Variants in NYAP2 observed in about 807,000 individuals in gnomAD.
The protein encoded by NYAP2 is neuronal tyrosine-phosphorylated phosphoinositide-3-kinase adaptor 2, also known as neuronal tyrosine-phosphorylated phosphoinositide-3-kinase adapter 2.
A neutral mutation model predicts 50.4 loss-of-function variants in NYAP2; 23 were observed. The ratio of observed to expected loss-of-function variants is 0.46; its 90% CI spans 0.33 to 0.65. NYAP2 has a LOEUF of 0.65. NYAP2 is among the 30% of genes least tolerant of loss of function. The pLI is 0.02. For synonymous variants in NYAP2, 394 were observed against 365.2 expected, an observed-to-expected ratio of 1.08 and a Z score of -0.90; for missense variants, 885 against 861.0, an observed-to-expected ratio of 1.03 and a Z score of -0.35.
At chr2:225,493,309 TA>T (rs1054166038) in intron 3 of NYAP2, among the ~76,000 whole-genome samples, 7 of 152,180 alleles carry the variant, frequency 4.6e-5, no homozygotes, top group Non-Finnish European at 1.0e-4. Flanking sequence ...TATGTTTTTT[TA>T]AAAAGTCTGT....
At chr2:225,404,336 T>A (rs1694905854) in intron 2 of NYAP2, among the ~76,000 whole-genome samples, 1 of 151,988 alleles carries the variant, frequency 6.6e-6, no homozygotes, top group Non-Finnish European at 1.5e-5. Context: ...AGTTGTTTTT[T>A]AAATGTTTTA....
chr2:225,582,590 G>A lies in NYAP2; in HGVS notation c.1173G>A (p.Ala391=), dbSNP rs9917362. 11,117 of 1,597,420 alleles carry A rather than the reference G, an allele frequency of 7.0e-3. 593 individuals carry two copies. The African/African-American group carries it at 0.13, about 18-fold the overall frequency. The stretch of plus-strand genomic sequence containing the variant: ...TGCCGTCCCACGTCCCCGGCCATGC[G>A]AAACTGGAGAAAGAGCAGGCCGCGG... Residue 391 remains alanine, a synonymous_variant, in exon 5 of 7, where the codon GCG becomes GCA. Coordinates refer to ENST00000636099, the Ensembl canonical transcript of NYAP2. This position sits in a 1 kb window ranked among gnomAD's most constrained non-coding sequence, Gnocchi z 7.0.
At chr2:225,651,521 C>T (rs1362164210) in exon 7 of NYAP2, 1 of 1,614,016 alleles carries the variant, frequency 6.2e-7, no homozygotes, top group South Asian at 1.1e-5. Context: ...AAGCAGTGAC[C>T]TGCAACAGAG....
At chr2:225,534,297 A>C (rs1691309493) in intron 4 of NYAP2, among the ~76,000 whole-genome samples, 1 of 152,256 alleles carries the variant, frequency 6.6e-6, no homozygotes, top group Non-Finnish European at 1.5e-5. Flanking sequence ...AGCCATTGGC[A>C]ACAAGTTAAA....
chr2:225,420,050 T>C (rs1695191430), intron 3 of NYAP2, among the ~76,000 whole-genome samples: 2 of 152,236 alleles, frequency 1.3e-5, no homozygotes, highest in South Asian at 4.1e-4. Flanking sequence ...TAGTCTTAAT[T>C]ATTAAACTGG....
chr2:225,453,175 T>G (rs1014070571), intron 3 of NYAP2, among the ~76,000 whole-genome samples: 1 of 152,210 alleles, frequency 6.6e-6, no homozygotes, highest in Non-Finnish European at 1.5e-5. Context: ...TTATAACAAA[T>G]AGAACTATGA....
chr2:225,512,560 CTTCCCTCCTTCCTTTCCT>C (rs1183254896), intron 3 of NYAP2, among the ~76,000 whole-genome samples: 1 of 143,882 alleles, frequency 7.0e-6, no homozygotes, highest in Non-Finnish European at 1.5e-5. Flanking sequence ...TTCCTTCCTT[CTTCCCTCCTTCCTTTCCT>C]TTCCTGCCTT....
At chr2:225,546,612 T>C (rs969468328) in intron 4 of NYAP2, among the ~76,000 whole-genome samples, 1 of 152,062 alleles carries the variant, frequency 6.6e-6, no homozygotes, top group Non-Finnish European at 1.5e-5. Flanking sequence ...CCAGGGTAAG[T>C]CCAGAAATGC....
At chr2:225,593,009 A>G (rs1487457260) in intron 5 of NYAP2, among the ~76,000 whole-genome samples, 3 of 152,236 alleles carry the variant, frequency 2.0e-5, no homozygotes, top group Non-Finnish European at 2.9e-5. Flanking sequence ...GAAAAATACT[A>G]GAACTGATTT....
intron 2 of NYAP2, 143 bp downstream of exon 2, chr2:225,401,186 G>C (rs1694855593): frequency 6.6e-6 from 1 of 152,470 alleles, no homozygotes; most frequent in South Asian, 2.1e-4. Flanking sequence ...AGGTGGAGCA[G>C]AAATAAAGCC....
intron 3 of NYAP2, among the ~76,000 whole-genome samples, chr2:225,445,906 T>C (rs192210204): frequency 1.3e-5 from 2 of 152,262 alleles, no homozygotes; most frequent in Admixed American, 1.3e-4. Flanking sequence ...AGTAATAATA[T>C]TCAACCTTAT....
At chr2:225,521,459 A>G (rs1691055803) in intron 4 of NYAP2, among the ~76,000 whole-genome samples, 2 of 151,838 alleles carry the variant, frequency 1.3e-5, no homozygotes, top group African/African-American at 4.8e-5. Flanking sequence ...TCAATACCTA[A>G]TTTATTGAGA....
chr2:225,600,587 G>A (rs1692676326), intron 5 of NYAP2, among the ~76,000 whole-genome samples: 1 of 152,198 alleles, frequency 6.6e-6, no homozygotes, highest in Non-Finnish European at 1.5e-5. Flanking sequence ...TGAGAAGCAA[G>A]ATGTAGTTGG....
intron 6 of NYAP2, among the ~76,000 whole-genome samples, chr2:225,643,242 T>A (rs1384928203): frequency 6.6e-6 from 1 of 152,046 alleles, no homozygotes; most frequent in African/African-American, 2.4e-5. Context: ...TTTCTTGGAT[T>A]TTGCCATAGA....
intron 3 of NYAP2, among the ~76,000 whole-genome samples, chr2:225,439,017 A>T (rs1423969995): frequency 6.6e-6 from 1 of 152,210 alleles, no homozygotes; most frequent in African/African-American, 2.4e-5. Flanking sequence ...CAGAGGATGC[A>T]TACATCTGCA....
the NYAP2 span, chr2:225,701,237 T>C: frequency 6.6e-6 from 1 of 151,868 alleles, no homozygotes; most frequent in Non-Finnish European, 1.5e-5. Flanking sequence ...TCTCTGAAAG[T>C]AATCAACTGG....
chr2:225,638,247 G>A (rs2106264259), intron 6 of NYAP2, among the ~76,000 whole-genome samples: 1 of 151,510 alleles, frequency 6.6e-6, no homozygotes, highest in Non-Finnish European at 1.5e-5. Context: ...AGAGAGATGA[G>A]TGTCCATCCA....
At chr2:225,701,915 G>C in the NYAP2 span, 1 of 151,730 alleles carries the variant, frequency 6.6e-6, no homozygotes, top group African/African-American at 2.4e-5. Context: ...TGATTCTTTT[G>C]AGCAAATCTA....
At chr2:225,560,767 A>G (rs1470773007) in intron 4 of NYAP2, among the ~76,000 whole-genome samples, 1 of 152,078 alleles carries the variant, frequency 6.6e-6, no homozygotes, top group African/African-American at 2.4e-5. Flanking sequence ...TTGGGGAAAC[A>G]AAGGAGCAGG....
Sources: gnomAD v4.1 joint callset for allele counts (sites outside exome capture counted in the v4.1 genomes callset) on GRCh38, gnomAD v4.1.1 for gene constraint, Gnocchi (gnomAD v3.1) non-coding constraint, MANE v1.5 for transcripts, NCBI Gene and HGNC (gene_info 2026-07-23, HGNC 2026-07-21) for gene names.